The following KLHL29 variants were observed in gnomAD, a reference collection of about 807,000 sequenced individuals.
The protein encoded by KLHL29 is kelch like family member 29, also known as kelch-like protein 29.
A neutral mutation model predicts 80.4 loss-of-function variants in KLHL29; 21 were observed. That is an observed-to-expected ratio of 0.26 (90% CI 0.19 to 0.38). KLHL29 has a LOEUF of 0.38. KLHL29 is among the 10% of genes least tolerant of loss of function. KLHL29 has a pLI of 1.00. For missense variants in KLHL29, 867 were observed against 1,223.9 expected, an observed-to-expected ratio of 0.71 and a Z score of 4.35; for synonymous variants, 511 against 526.8, an observed-to-expected ratio of 0.97 and a Z score of 0.41.
chr2:23,450,425 T>G (rs11886954), intron 1 of KLHL29, among the ~76,000 whole-genome samples: 1 of 152,080 alleles, frequency 6.6e-6, no homozygotes, highest in African/African-American at 2.4e-5. Flanking sequence ...GGCTGTGCTG[T>G]GAGACAGATC....
intron 2 of KLHL29, among the ~76,000 whole-genome samples, chr2:23,553,405 G>A (rs1667178405): frequency 6.6e-6 from 1 of 152,246 alleles, no homozygotes. Context: ...TGGAACAGGA[G>A]AAGGCTGGCA....
chr2:23,595,007 A>G (rs1408770427), intron 3 of KLHL29, among the ~76,000 whole-genome samples: 3 of 152,210 alleles, frequency 2.0e-5, no homozygotes, highest in Admixed American at 2.0e-4. Context: ...TTTTAATTTC[A>G]TGAAGATTTA....
At chr2:23,645,824 A>G (rs904354548) in intron 5 of KLHL29, among the ~76,000 whole-genome samples, 8 of 152,210 alleles carry the variant, frequency 5.3e-5, no homozygotes, top group Non-Finnish European at 1.2e-4. Context: ...CTTTAATTTA[A>G]AACTTAACCA....
chr2:23,694,659 G>A (rs763105457), intron 8 of KLHL29, among the ~76,000 whole-genome samples: 3 of 152,248 alleles, frequency 2.0e-5, no homozygotes, highest in East Asian at 1.9e-4. Context: ...GTTACATCTC[G>A]TAAGAATAAA....
Position 23,695,569 on chromosome 2 carries a change from G to T in KLHL29, c.1543-54G>T. 7.9e-7 allele frequency: 1 copy of T among 1,261,256 alleles called. No homozygotes were observed. The highest frequency in any genetic ancestry group is 1.1e-6 in the Non-Finnish European group (1 of 912,350). 78.1% of individuals were successfully genotyped at this position (1,261,256 alleles called of 1,614,324 possible). On this transcript the variant is annotated intron_variant, in intron 8 of 13. Coordinates refer to ENST00000486442, the MANE Select transcript of KLHL29 (RefSeq NM_052920.2). This position sits in a 1 kb window ranked among gnomAD's most constrained non-coding sequence, Gnocchi z 7.6. ...GCCCCACACCATTTCTTTCCGTCCGGGAGGTGGCTCTCTCTTGCTAGTCTA... is the reference window on the plus strand; with the variant it reads ...GCCCCACACCATTTCTTTCCGTCCGTGAGGTGGCTCTCTCTTGCTAGTCTA...
intron 1 of KLHL29, among the ~76,000 whole-genome samples, chr2:23,472,994 T>C (rs2103436482): frequency 6.6e-6 from 1 of 152,330 alleles, no homozygotes; most frequent in East Asian, 1.9e-4. Context: ...GAAACCATCA[T>C]AGCACAGTGC....
At chr2:23,433,272 C>A (rs997396744) in intron 1 of KLHL29, among the ~76,000 whole-genome samples, 1 of 152,210 alleles carries the variant, frequency 6.6e-6, no homozygotes, top group African/African-American at 2.4e-5. Flanking sequence ...TGTTGAAATC[C>A]TTTTGCAGAG....
At chr2:23,561,400 C>A (rs1667443436) in intron 2 of KLHL29, among the ~76,000 whole-genome samples, 1 of 152,280 alleles carries the variant, frequency 6.6e-6, no homozygotes, top group Middle Eastern at 3.4e-3. Context: ...CTCAGGAGAG[C>A]TGTGTGGGAG....
chr2:23,670,917 GCTCTCTCTCTCTCTCTCT>G (rs1553353334), intron 5 of KLHL29, among the ~76,000 whole-genome samples: 4 of 18,532 alleles, frequency 2.2e-4, no homozygotes, highest in Admixed American at 1.4e-3. Context: ...ACATGCACGC[GCTCTCTCTCTCTCTCTCT>G]CTCTCTCTCT....
At chr2:23,571,466 T>C (rs1667716127) in intron 3 of KLHL29, among the ~76,000 whole-genome samples, 1 of 152,108 alleles carries the variant, frequency 6.6e-6, no homozygotes, top group Non-Finnish European at 1.5e-5. Context: ...CCTCGCAGGC[T>C]CAGAGAAAAG....
At chr2:23,661,305 G>T (rs1194824156) in intron 5 of KLHL29, among the ~76,000 whole-genome samples, 2 of 147,496 alleles carry the variant, frequency 1.4e-5, no homozygotes, top group Non-Finnish European at 3.0e-5. Flanking sequence ...TCTCACCACT[G>T]CACTCCAGTC....
chr2:23,389,596 T>A (rs986018152), intron 1 of KLHL29, among the ~76,000 whole-genome samples: 1 of 151,150 alleles, frequency 6.6e-6, no homozygotes, highest in Non-Finnish European at 1.5e-5. Context: ...AATGTGTTAG[T>A]GGATGGGAGG....
intron 3 of KLHL29, among the ~76,000 whole-genome samples, chr2:23,564,749 G>A (rs1667546492): frequency 6.6e-6 from 1 of 152,246 alleles, no homozygotes; most frequent in Non-Finnish European, 1.5e-5. Context: ...AACAATGTGG[G>A]TCTTTACTGA....
chr2:23,510,833 G>A (rs1280891891), intron 2 of KLHL29, among the ~76,000 whole-genome samples: 5 of 152,212 alleles, frequency 3.3e-5, no homozygotes, highest in African/African-American at 7.2e-5. Context: ...ACAGGCGGCC[G>A]AGTCAGGACT....
chr2:23,387,050 C>T (rs914208347), intron 1 of KLHL29, among the ~76,000 whole-genome samples: 3 of 146,998 alleles, frequency 2.0e-5, no homozygotes, highest in Admixed American at 2.0e-4. Flanking sequence ...CCGCCGCCGC[C>T]GCTGCCATCC....
intron 1 of KLHL29, among the ~76,000 whole-genome samples, chr2:23,430,868 G>T (rs1558335480): frequency 1.3e-5 from 2 of 152,212 alleles, no homozygotes; most frequent in African/African-American, 4.8e-5. Flanking sequence ...AAAAAGAATT[G>T]TCTCAGGTCA....
chr2:23,460,422 G>T lies in KLHL29; in HGVS notation c.-153-15138G>T, dbSNP rs572460447. ...TGGAGATATTTTTGTCATGATGTAG[G>T]GGGGAAGGGATGCTACTGGCCTCTA... On this transcript the variant is annotated intron_variant, in intron 1 of 13. Transcript: ENST00000486442. Among the ~76,000 whole-genome samples, 3 of 152,120 alleles carry T rather than the reference G, an allele frequency of 2.0e-5. No homozygotes were observed. The South Asian group carries it at 6.2e-4, about 32-fold the overall frequency.
chr2:23,410,027 A>G (rs1464119153), intron 1 of KLHL29, among the ~76,000 whole-genome samples: 2 of 152,210 alleles, frequency 1.3e-5, no homozygotes, highest in East Asian at 3.8e-4. Context: ...AGGTCAGAGA[A>G]ACTGGCATTA....
At position 23,684,836 on chromosome 2, in the gene KLHL29, C is replaced by T. The variant is rs1671191561; in HGVS notation, c.1079+299C>T. Among the ~76,000 whole-genome samples the T allele has an allele frequency of 6.6e-6, 1 of 152,206 alleles. No individual in the cohort carries two copies. Among genetic ancestry groups the T allele is most frequent in the Admixed American group, 6.5e-5 (1 of 15,288 alleles). ...TGCCCCACCCCTGAGATCCCAGGTTCTCAGTGGCTCACAAGCTGTCCCTGA... is the reference window on the plus strand; with the variant it reads ...TGCCCCACCCCTGAGATCCCAGGTTTTCAGTGGCTCACAAGCTGTCCCTGA... On this transcript the variant is annotated intron_variant, in intron 6 of 13. Coordinates refer to ENST00000486442, the MANE Select transcript of KLHL29 (RefSeq NM_052920.2). This position sits in a 1 kb window ranked among gnomAD's most constrained non-coding sequence, Gnocchi z 4.4.
Sources: allele counts gnomAD v4.1 joint callset (sites outside exome capture counted in the v4.1 genomes callset), GRCh38; gene constraint gnomAD v4.1.1; non-coding constraint Gnocchi (gnomAD v3.1); transcripts MANE v1.5; gene names NCBI Gene and HGNC (gene_info 2026-07-23, HGNC 2026-07-21).